The following EIF2AK4 variants were observed in gnomAD, a reference collection of about 807,000 sequenced individuals.
EIF2AK4 encodes eukaryotic translation initiation factor 2 alpha kinase 4.
A neutral mutation model predicts 211.1 loss-of-function variants in EIF2AK4; 139 were observed. The observed-to-expected ratio is 0.66, with a 90% CI of 0.57 to 0.76. The LOEUF is 0.76. Among genes scored for constraint, EIF2AK4 ranks in the 30% least tolerant of loss-of-function variants. EIF2AK4 has a pLI of 0.00. For missense variants in EIF2AK4, 1,664 were observed against 2,043.8 expected (o/e 0.81, Z 3.58); for synonymous variants, 710 against 751.3 (o/e 0.94, Z 0.90).
intron 11 of EIF2AK4, chr15:39,974,588 A>T (rs2034668664): frequency 6.6e-6 from 1 of 152,228 alleles, no homozygotes; most frequent in Non-Finnish European, 1.5e-5. Flanking sequence ...GATCATAATT[A>T]TGTCTAAGAG....
intron 11 of EIF2AK4, 102 bp from the exon 12 acceptor site, chr15:39,976,312 C>CA: frequency 7.9e-7 from 1 of 1,270,682 alleles, no homozygotes; most frequent in South Asian, 1.5e-5. Flanking sequence ...CTGTGGGACT[C>CA]ATTTAGAACT....
At chr15:39,994,452 C>A (rs1418346393) in intron 18 of EIF2AK4, among the ~76,000 whole-genome samples, 1 of 151,914 alleles carries the variant, frequency 6.6e-6, no homozygotes, top group African/African-American at 2.4e-5. Flanking sequence ...TACTAAACAT[C>A]AAAAAAATTA....
chr15:39,958,331 G>A lies in EIF2AK4; in HGVS notation c.743+2563G>A, dbSNP rs151295307. Among the ~76,000 whole-genome samples, 358 of 152,304 alleles carry A rather than the reference G, an allele frequency of 2.4e-3. 4 individuals carry two copies. The highest frequency in any genetic ancestry group is 0.017 in the East Asian group (90 of 5,188). ...TTGCAGATTACCGTAGTGTAGCCCA[G>A]AATCTAGAATATATCACCTATTTAT... On this transcript the variant is annotated intron_variant, in intron 6 of 38. Coordinates refer to ENST00000263791, the MANE Select transcript of EIF2AK4 (RefSeq NM_001013703.4).
chr15:40,033,619 ATATCATTT>A (rs1248589581), intron 37 of EIF2AK4, among the ~76,000 whole-genome samples: 2 of 152,232 alleles, frequency 1.3e-5, no homozygotes, highest in Non-Finnish European at 2.9e-5. Context: ...AGTATTTTAT[ATATCATTT>A]TTTGTTCTCT....
At chr15:40,033,410 G>T (rs2035569394) in intron 37 of EIF2AK4, among the ~76,000 whole-genome samples, 1 of 151,950 alleles carries the variant, frequency 6.6e-6, no homozygotes, top group Non-Finnish European at 1.5e-5. Context: ...ATTTTTACAG[G>T]TACATCCCTT....
At chr15:40,022,711 C>T (rs2035408385) in intron 32 of EIF2AK4, 106 bp downstream of exon 32, 1 of 886,312 alleles carries the variant, frequency 1.1e-6, no homozygotes, top group Non-Finnish European at 1.8e-6. Flanking sequence ...AAATCCGTTC[C>T]CTCTACTCTC....
In EIF2AK4 at chr15:39,941,108, T is replaced by C. The variant is rs182891094; in HGVS notation, c.257+1491T>C. Among the ~76,000 whole-genome samples, 158 of 152,300 alleles carry C rather than the reference T, an allele frequency of 1.0e-3. 2 individuals are homozygous for C. Among genetic ancestry groups the C allele is most frequent in the Admixed American group, 9.2e-3 (140 of 15,298 alleles). On this transcript the variant is annotated intron_variant, in intron 2 of 38. Coordinates refer to ENST00000263791, the MANE Select transcript of EIF2AK4 (RefSeq NM_001013703.4). ...CTGGCACCCTCCCAGCACCTCCCTG[T>C]GTTCTTCAACCAAGAATCTCCCTGA...
chr15:40,010,466 G>A (rs187563504), intron 26 of EIF2AK4, among the ~76,000 whole-genome samples: 7 of 152,234 alleles, frequency 4.6e-5, no homozygotes, highest in Admixed American at 4.6e-4. Flanking sequence ...GTATATGTGC[G>A]GGTACAGAGA....
At chr15:39,979,113 C>T (rs1235696633) in intron 13 of EIF2AK4, among the ~76,000 whole-genome samples, 1 of 152,186 alleles carries the variant, frequency 6.6e-6, no homozygotes, top group Non-Finnish European at 1.5e-5. Flanking sequence ...ACCTTATACA[C>T]TTCACCTGTT....
chr15:40,029,591 T>C, intron 34 of EIF2AK4, 127 bp downstream of exon 34: 1 of 977,994 alleles, frequency 1.0e-6, no homozygotes, highest in Non-Finnish European at 1.5e-6. Flanking sequence ...CAATAAATTG[T>C]ACCACATGGG....
intron 13 of EIF2AK4, among the ~76,000 whole-genome samples, chr15:39,981,468 G>C (rs991843150): frequency 6.6e-6 from 1 of 152,150 alleles, no homozygotes; most frequent in Non-Finnish European, 1.5e-5. Context: ...CCAAATCCTG[G>C]TTTTGCTCAG....
rs2035112140 is a variant in EIF2AK4, at chr15:40,002,916, T to C, written c.3235+128T>C. The C allele has an allele frequency of 3.4e-5, 39 of 1,134,664 alleles. No individual in the cohort carries two copies. In the South Asian group the frequency reaches 5.8e-4, roughly 17 times the overall value. 70.3% of individuals were successfully genotyped at this position (1,134,664 alleles called of 1,614,324 possible). On this transcript the variant is annotated intron_variant, in intron 22 of 38. Coordinates refer to ENST00000263791, the MANE Select transcript of EIF2AK4 (RefSeq NM_001013703.4). Reference sequence around the variant, plus strand: ...TCAGTTATAAATAATTGACATCATATGGAATTTAAGCTTATTTTTGAAACT... The same window carrying C: ...TCAGTTATAAATAATTGACATCATACGGAATTTAAGCTTATTTTTGAAACT...
chr15:40,034,581 T>C, intron 38 of EIF2AK4, 137 bp downstream of exon 38: 1 of 684,414 alleles, frequency 1.5e-6, no homozygotes, highest in Non-Finnish European at 2.6e-6. Context: ...TGACAACCAA[T>C]AAATCTTGCT....
rs777004232 is a variant in EIF2AK4 at position 39,997,025 on chromosome 15, C to T, written c.2828C>T (p.Thr943Met). 3.2e-5 allele frequency: 51 copies of T among 1,614,002 alleles called. No homozygotes were observed. In the Middle Eastern group the frequency reaches 1.3e-3, roughly 42 times the overall value. ...FFEMSYHPMV[T>M]ASERIFVLNQ... ...GAGATGTCCTATCACCCCATGGTCACGGCTTCAGAAAGGATCTTTGTTCTC... is the reference window on the plus strand; with the variant it reads ...GAGATGTCCTATCACCCCATGGTCATGGCTTCAGAAAGGATCTTTGTTCTC... The change falls in exon 19 of 39, where the codon ACG (threonine) becomes ATG (methionine). Residue 943 changes from threonine to methionine, a missense_variant. By Grantham distance (81) the Thr-to-Met change is moderately conservative (BLOSUM62 -1). Coordinates refer to ENST00000263791, the MANE Select transcript of EIF2AK4 (RefSeq NM_001013703.4).
At chr15:39,940,850 C>T (rs941425383) in intron 2 of EIF2AK4, among the ~76,000 whole-genome samples, 1 of 151,986 alleles carries the variant, frequency 6.6e-6, no homozygotes, top group African/African-American at 2.4e-5. Context: ...GTGGCAAGTC[C>T]CAGTACTTCT....
At chr15:39,994,881 G>T (rs2034998957) in intron 18 of EIF2AK4, among the ~76,000 whole-genome samples, 1 of 151,786 alleles carries the variant, frequency 6.6e-6, no homozygotes, top group African/African-American at 2.4e-5. Context: ...TGCTCTTTTC[G>T]CCCAGGCTGG....
chr15:40,030,550 C>A, intron 35 of EIF2AK4, 94 bp downstream of exon 35: 1 of 1,334,202 alleles, frequency 7.5e-7, no homozygotes. Flanking sequence ...CATGGAATTT[C>A]TTGGAAATAT....
At chr15:39,945,276 A>T (rs758494954) in intron 3 of EIF2AK4, among the ~76,000 whole-genome samples, 7 of 151,792 alleles carry the variant, frequency 4.6e-5, no homozygotes, top group Non-Finnish European at 8.8e-5. Context: ...CACCACACCC[A>T]GCCTGATTTA....
chr15:39,951,577 T>C (rs1595544782), intron 4 of EIF2AK4: 1 of 321,870 alleles, frequency 3.1e-6, no homozygotes, highest in Admixed American at 4.0e-5. Context: ...CACCAGATGC[T>C]GGAGGGGAGT....
Sources: gnomAD v4.1 joint callset for allele counts (sites outside exome capture counted in the v4.1 genomes callset) on GRCh38, gnomAD v4.1.1 for gene constraint, MANE v1.5 for transcripts, NCBI Gene and HGNC (gene_info 2026-07-23, HGNC 2026-07-21) for gene names.